The following MARCHF8 variants were observed in gnomAD, a reference collection of about 807,000 sequenced individuals.
The protein encoded by MARCHF8 is membrane associated ring-CH-type finger 8.
MARCHF8 carries 40 observed loss-of-function variants against 51.6 expected under a neutral mutation model. The ratio of observed to expected loss-of-function variants is 0.77; its 90% CI spans 0.60 to 1.01. The LOEUF is 1.01. Among genes scored for constraint, MARCHF8 ranks in the 50% least tolerant of loss-of-function variants. The pLI, the probability that MARCHF8 is intolerant of heterozygous loss-of-function variation, is 0.00. For missense variants in MARCHF8, 685 were observed against 708.6 expected (o/e 0.97, Z 0.38); for synonymous variants, 263 against 280.3 (o/e 0.94, Z 0.62).
intron 2 of MARCHF8, among the ~76,000 whole-genome samples, chr10:45,511,790 T>A (rs1359806021): frequency 6.6e-6 from 1 of 152,056 alleles, no homozygotes; most frequent in Admixed American, 6.5e-5. Context: ...TGCCTTGGCC[T>A]CCCAAAGTGC....
At chr10:45,486,545 C>T (rs1426523350) in intron 3 of MARCHF8, among the ~76,000 whole-genome samples, 3 of 151,924 alleles carry the variant, frequency 2.0e-5, no homozygotes, top group Non-Finnish European at 2.9e-5. Context: ...GCCTGGGCTA[C>T]GGAGCGAGAC....
At chr10:45,503,614 T>C (rs996103875) in intron 2 of MARCHF8, among the ~76,000 whole-genome samples, 5 of 151,604 alleles carry the variant, frequency 3.3e-5, no homozygotes, top group African/African-American at 1.2e-4. Context: ...TTATATGCTA[T>C]CTATAGGAAA....
Position 45,464,255 on chromosome 10 carries a change from T to G in MARCHF8, c.226A>C (p.Ser76Arg). 1 of 1,614,184 alleles carries G rather than the reference T, an allele frequency of 6.2e-7. No homozygotes were observed. Reference protein sequence around the residue: ...SFSRTSITPSSQDICSSSAVF... With the variant: ...SFSRTSITPSRQDICSSSAVF... ...GAGTGTTACCTGCAGATGTCCTGGC[T>G]GGATGGCGTGATAGAAGTGCGAGAG... is the stretch of plus-strand genomic sequence containing the variant. The change falls in exon 4 of 8, where the codon AGC becomes CGC. Residue 76 changes from serine to arginine, a missense_variant. Coordinates refer to ENST00000453424, the MANE Select transcript of MARCHF8 (RefSeq NM_001282866.2).
intron 2 of MARCHF8, among the ~76,000 whole-genome samples, chr10:45,518,263 G>C (rs2043651614): frequency 6.6e-6 from 1 of 152,124 alleles, no homozygotes; most frequent in Admixed American, 6.5e-5. Flanking sequence ...AATTAAAGTT[G>C]GACTGACCCC....
intron 1 of MARCHF8, among the ~76,000 whole-genome samples, chr10:45,566,117 CA>C (rs1236692252): frequency 6.6e-6 from 1 of 152,080 alleles, no homozygotes; most frequent in African/African-American, 2.4e-5. Context: ...TGGCACTGAA[CA>C]GACTGGAAAA....
At chr10:45,490,292 TAATTAA>T (rs1367339997) in intron 2 of MARCHF8, among the ~76,000 whole-genome samples, 1 of 152,196 alleles carries the variant, frequency 6.6e-6, no homozygotes, top group Admixed American at 6.5e-5. Flanking sequence ...TTTAAAGATG[TAATTAA>T]GTTTACATGA....
At chr10:45,495,413 T>C (rs1180360943) in intron 2 of MARCHF8, among the ~76,000 whole-genome samples, 1 of 152,190 alleles carries the variant, frequency 6.6e-6, no homozygotes, top group Non-Finnish European at 1.5e-5. Flanking sequence ...TGTTTATGTA[T>C]TAAATCTCTT....
At chr10:45,567,121 TATTAC>T (rs1238459823) in intron 1 of MARCHF8, among the ~76,000 whole-genome samples, 57 of 152,236 alleles carry the variant, frequency 3.7e-4, no homozygotes, top group Non-Finnish European at 1.0e-4. Context: ...TTAATTGGAT[TATTAC>T]ATTATTTTTT....
At chr10:45,591,509 A>G (rs1031078708) in intron 1 of MARCHF8, among the ~76,000 whole-genome samples, 44 of 152,254 alleles carry the variant, frequency 2.9e-4, no homozygotes, top group South Asian at 1.0e-3. Context: ...AAGAAATGAC[A>G]GACACAGAAT....
intron 1 of MARCHF8, among the ~76,000 whole-genome samples, chr10:45,579,159 A>G (rs1005658262): frequency 1.3e-5 from 2 of 152,228 alleles, no homozygotes; most frequent in Non-Finnish European, 2.9e-5. Flanking sequence ...CTTAGGACTT[A>G]TACAACTTAA....
intron 2 of MARCHF8, among the ~76,000 whole-genome samples, chr10:45,509,398 CTGAAA>C (rs1276939389): frequency 6.6e-6 from 1 of 152,160 alleles, no homozygotes; most frequent in Non-Finnish European, 1.5e-5. Context: ...CTTTTGTATA[CTGAAA>C]TGAAACACTT....
At chr10:45,472,243 T>A (rs1254168036) in intron 3 of MARCHF8, among the ~76,000 whole-genome samples, 2 of 152,060 alleles carry the variant, frequency 1.3e-5, no homozygotes, top group African/African-American at 2.4e-5. Context: ...ATCCCTGTTA[T>A]CATATCCTTG....
intron 2 of MARCHF8, among the ~76,000 whole-genome samples, chr10:45,507,046 G>A (rs955317780): frequency 2.0e-5 from 3 of 152,152 alleles, no homozygotes; most frequent in Admixed American, 6.5e-5. Flanking sequence ...GTTAGCTCTG[G>A]ATGTTAGCTC....
intron 3 of MARCHF8, among the ~76,000 whole-genome samples, chr10:45,470,413 C>A (rs901682): frequency 1.3e-5 from 2 of 152,116 alleles, no homozygotes; most frequent in Non-Finnish European, 1.5e-5. Flanking sequence ...AGCCCACTTG[C>A]GGTATCAATC....
chr10:45,530,168 TAACTC>T lies in MARCHF8; in HGVS notation c.102+2937_102+2941del, dbSNP rs2043854165. Among the ~76,000 whole-genome samples the T allele has an allele frequency of 2.6e-5, 4 of 152,166 alleles. No homozygotes were observed. The South Asian group carries it at 8.3e-4, about 31-fold the overall frequency. On this transcript the variant is annotated intron_variant, in intron 2 of 7. Transcript: ENST00000453424. ...CTGGAGGTAACTATCTTAAGTGAAA[TAACTC>T]AGAAAGAGCAAGTCAAATATCACAT...
chr10:45,567,612 C>T (rs2044379621), intron 1 of MARCHF8, among the ~76,000 whole-genome samples: 1 of 152,080 alleles, frequency 6.6e-6, no homozygotes, highest in Non-Finnish European at 1.5e-5. Flanking sequence ...TTTCTGGGTT[C>T]TCGGTTCTCT....
intron 1 of MARCHF8, among the ~76,000 whole-genome samples, chr10:45,594,002 G>A (rs2044709305): frequency 2.0e-5 from 3 of 152,082 alleles, no homozygotes; most frequent in Admixed American, 2.0e-4. Flanking sequence ...GCAGAAAAGG[G>A]TTCCATTTTT....
chr10:45,475,370 C>T (rs1168214841), intron 3 of MARCHF8, among the ~76,000 whole-genome samples: 2 of 152,014 alleles, frequency 1.3e-5, no homozygotes, highest in Admixed American at 1.3e-4. Context: ...ATCACCCAGC[C>T]CCTACCTAAG....
rs187542274 is a variant in MARCHF8 at position 45,534,197 on chromosome 10, C to G, written c.-78-908G>C. On this transcript the variant is annotated intron_variant, in intron 1 of 7. Coordinates refer to ENST00000453424, the MANE Select transcript of MARCHF8 (RefSeq NM_001282866.2). ...GACTCCAACCCCCCAACCTCCCCCC[C>G]ACCAAAAAAAAAAGAGTATGTACAT... is the stretch of plus-strand genomic sequence containing the variant. Among the ~76,000 whole-genome samples, 14 of 146,272 alleles carry G rather than the reference C, an allele frequency of 9.6e-5. No homozygotes were observed. In the East Asian group the frequency reaches 1.1e-3, roughly 11 times the overall value.
Sources: gnomAD v4.1 joint callset for allele counts (sites outside exome capture counted in the v4.1 genomes callset) on GRCh38, gnomAD v4.1.1 for gene constraint, MANE v1.5 for transcripts, NCBI Gene and HGNC (gene_info 2026-07-23, HGNC 2026-07-21) for gene names.